The following JMJD1C variants were observed in gnomAD, a reference collection of about 807,000 sequenced individuals.
The protein encoded by JMJD1C is jumonji domain-containing protein 1C.
A neutral mutation model predicts 245.3 loss-of-function variants in JMJD1C; 31 were observed. The observed-to-expected ratio is 0.13, with a 90% CI of 0.09 to 0.17. JMJD1C has a LOEUF of 0.17. Among genes scored for constraint, JMJD1C ranks in the 10% least tolerant of loss-of-function variants. The pLI is 1.00. For missense variants in JMJD1C, 2,691 were observed against 3,000.2 expected, an observed-to-expected ratio of 0.90 and a Z score of 2.41; for synonymous variants, 1,057 against 1,017.4, an observed-to-expected ratio of 1.04 and a Z score of -0.74.
intron 1 of JMJD1C, among the ~76,000 whole-genome samples, chr10:63,495,495 C>T (rs1219239069): frequency 6.6e-6 from 1 of 151,548 alleles, no homozygotes; most frequent in Non-Finnish European, 1.5e-5. Context: ...TGATAGGCTG[C>T]GAGTGGTGGC....
intron 1 of JMJD1C, among the ~76,000 whole-genome samples, chr10:63,441,908 G>A (rs934375446): frequency 2.0e-5 from 3 of 152,128 alleles, no homozygotes; most frequent in African/African-American, 7.2e-5. Context: ...ACAGCGTTAG[G>A]TGTTTTTGAA....
At chr10:63,236,712 C>A (rs567058020) in intron 3 of JMJD1C, among the ~76,000 whole-genome samples, 1 of 152,134 alleles carries the variant, frequency 6.6e-6, no homozygotes, top group Non-Finnish European at 1.5e-5. Context: ...ACAACCCAAG[C>A]TTTAAGAAGT....
chr10:63,421,127 G>T (rs1170907859), intron 1 of JMJD1C, among the ~76,000 whole-genome samples: 3 of 152,134 alleles, frequency 2.0e-5, no homozygotes, highest in Non-Finnish European at 4.4e-5. Context: ...CTGAGGTCGG[G>T]AGTTCGAGAC....
intron 1 of JMJD1C, among the ~76,000 whole-genome samples, chr10:63,462,156 T>C (rs1035111300): frequency 2.6e-5 from 4 of 152,122 alleles, no homozygotes; most frequent in Non-Finnish European, 5.9e-5. Context: ...TCCTCCTGCA[T>C]AAAAAAGGCT....
At chr10:63,410,852 A>G (rs1040309990) in intron 1 of JMJD1C, among the ~76,000 whole-genome samples, 1 of 152,172 alleles carries the variant, frequency 6.6e-6, no homozygotes, top group African/African-American at 2.4e-5. Context: ...ACAGCAAACA[A>G]TCCTAAGCAT....
intron 22 of JMJD1C, among the ~76,000 whole-genome samples, chr10:63,178,494 CTATT>C (rs1221385745): frequency 6.6e-6 from 1 of 152,120 alleles, no homozygotes; most frequent in Non-Finnish European, 1.5e-5. Flanking sequence ...TTTATGCTCA[CTATT>C]TATTAGTTGG....
chr10:63,460,805 T>C (rs1379592484), intron 1 of JMJD1C, among the ~76,000 whole-genome samples: 4 of 152,308 alleles, frequency 2.6e-5, no homozygotes, highest in African/African-American at 7.2e-5. Context: ...ATTTTTACTT[T>C]CACATGCAAT....
intron 2 of JMJD1C, among the ~76,000 whole-genome samples, chr10:63,297,058 T>C (rs1859515973): frequency 6.6e-6 from 1 of 152,200 alleles, no homozygotes; most frequent in Admixed American, 6.5e-5. Context: ...TTTGGCATCT[T>C]TTCTCATCAT....
intron 24 of JMJD1C, 75 bp downstream of exon 24, chr10:63,176,222 A>C: frequency 1.8e-6 from 2 of 1,089,910 alleles, no homozygotes; most frequent in Non-Finnish European, 2.6e-6. Flanking sequence ...TTATATCTAT[A>C]CTAAGAGCAA....
rs1209903755 is a variant in JMJD1C at position 63,379,603 on chromosome 10, G to GA, written c.333+714dup. 1.2e-4 allele frequency among the ~76,000 whole-genome samples: 19 copies of GA among 152,186 alleles called. No homozygotes were observed. In the South Asian group the frequency reaches 3.7e-3, roughly 30 times the overall value. Reference sequence around the variant, plus strand: ...GATTTACTGATTAACAAACCAAGAAGAATTACTCGTTATTAAATGTTTTAA... The same window carrying GA: ...GATTTACTGATTAACAAACCAAGAAGAAATTACTCGTTATTAAATGTTTTAA... On this transcript the variant is annotated intron_variant, in intron 2 of 25. Coordinates refer to ENST00000399262, the MANE Select transcript of JMJD1C (RefSeq NM_032776.3).
intron 2 of JMJD1C, among the ~76,000 whole-genome samples, chr10:63,276,822 G>A (rs1037999264): frequency 1.3e-5 from 2 of 151,248 alleles, no homozygotes. Flanking sequence ...GAGACTCACT[G>A]AAGAGTGAGA....
Position 63,176,474 on chromosome 10 carries a change from CTGAAATA to C in JMJD1C, c.7225-8_7225-2del, listed in dbSNP as rs773426492. 1.9e-6 allele frequency: 3 copies of C among 1,609,064 alleles called. No individual in the cohort carries two copies. The highest frequency in any genetic ancestry group is 3.3e-4 in the Middle Eastern group (2 of 6,034). ...CTTCAAGGCCTTGTTCTTTTGAAAT[CTGAAATA>C]TGAATTAAAATAGACACTCCAATTT... On this transcript the variant is annotated splice_acceptor_variant and splice_polypyrimidine_tract_variant and intron_variant, in intron 23 of 25. Transcript: ENST00000399262. LOFTEE classifies it high-confidence loss of function.
chr10:63,233,197 T>C (rs988734127), intron 3 of JMJD1C, among the ~76,000 whole-genome samples: 15 of 152,340 alleles, frequency 9.8e-5, no homozygotes, highest in East Asian at 5.8e-4. Flanking sequence ...CAATTTTAGT[T>C]AATCCTTTAT....
chr10:63,326,707 T>C (rs973886097), intron 2 of JMJD1C, among the ~76,000 whole-genome samples: 6 of 151,922 alleles, frequency 3.9e-5, no homozygotes, highest in Non-Finnish European at 7.4e-5. Context: ...TGGCGAAACC[T>C]GGTCTCTACT....
chr10:63,184,263 C>T (rs1373797680), intron 21 of JMJD1C, among the ~76,000 whole-genome samples: 6 of 126,948 alleles, frequency 4.7e-5, no homozygotes, highest in Non-Finnish European at 6.5e-5. Context: ...TTTTTTGAGA[C>T]GGAGTCTTGC....
chr10:63,305,390 A>G (rs1937936574), intron 2 of JMJD1C, among the ~76,000 whole-genome samples: 1 of 148,538 alleles, frequency 6.7e-6, no homozygotes. Flanking sequence ...AAAACAAAAA[A>G]GGTTGCAGTG....
At chr10:63,360,915 G>A (rs1945270145) in intron 2 of JMJD1C, among the ~76,000 whole-genome samples, 1 of 152,036 alleles carries the variant, frequency 6.6e-6, no homozygotes, top group South Asian at 2.1e-4. Flanking sequence ...CTCCCAGGTA[G>A]CTGGGATTAC....
chr10:63,168,085 T>G lies in JMJD1C; in HGVS notation c.7583A>C (p.Lys2528Thr), dbSNP rs1334539421. 1 of 1,606,816 alleles carries G rather than the reference T, an allele frequency of 6.2e-7. No individual in the cohort carries two copies. Among genetic ancestry groups the G allele is most frequent in the African/African-American group, 1.3e-5 (1 of 74,922 alleles). Residue 2528 changes from lysine (K) to threonine (T), a missense_variant, in exon 26 of 26, where the codon AAG becomes ACG. Around this residue, in one of 9 missense-constraint regions of JMJD1C, gnomAD observed 27 missense variants for 18.4 expected, o/e 1.47. Coordinates refer to ENST00000399262, the MANE Select transcript of JMJD1C (RefSeq NM_032776.3). ...ATCCTCTACTTCATCCTCGTGTATC[T>G]TCAAGGCTCTCACCATTTCTTTGAC... ...HAVKEMVRAL[K>T]IHEDEVEDME...
At chr10:63,410,771 TTAC>T (rs1949431256) in intron 1 of JMJD1C, among the ~76,000 whole-genome samples, 1 of 152,176 alleles carries the variant, frequency 6.6e-6, no homozygotes, top group Admixed American at 6.5e-5. Context: ...CTGTTCCAAA[TTAC>T]TTCTTTCTAG....
Sources: allele counts gnomAD v4.1 joint callset (sites outside exome capture counted in the v4.1 genomes callset), GRCh38; gene constraint gnomAD v4.1.1; regional missense constraint gnomAD v4.1.1; transcripts MANE v1.5; gene names NCBI Gene and HGNC (gene_info 2026-07-23, HGNC 2026-07-21).